Variants in RNF130 observed in about 807,000 individuals in gnomAD.
RNF130 encodes the protein E3 ubiquitin-protein ligase RNF130.
In RNF130, 21 loss-of-function variants were observed where a neutral mutation model predicts 44.6. The ratio of observed to expected loss-of-function variants is 0.47; its 90% confidence interval spans 0.33 to 0.68. The LOEUF is 0.68. Among genes scored for constraint, RNF130 ranks in the 30% least tolerant of loss-of-function variants. RNF130 has a pLI of 0.02. For missense variants in RNF130, 479 were observed against 560.6 expected, an observed-to-expected ratio of 0.85 and a Z score of 1.47; for synonymous variants, 214 against 210.4, an observed-to-expected ratio of 1.02 and a Z score of -0.15.
intron 7 of RNF130, among the ~76,000 whole-genome samples, chr5:179,922,891 A>G (rs547459461): frequency 5.9e-5 from 9 of 152,106 alleles, no homozygotes; most frequent in Middle Eastern, 3.4e-3. Flanking sequence ...CCGAGACTAC[A>G]CTACTGCCCT....
chr5:179,985,196 C>T (rs1351851285), intron 3 of RNF130, among the ~76,000 whole-genome samples: 1 of 87,012 alleles, frequency 1.1e-5, no homozygotes, highest in Non-Finnish European at 2.1e-5. Flanking sequence ...CAATCTGTTT[C>T]ATGATTTCCT....
At chr5:179,946,120 G>T (rs1354107937) in intron 7 of RNF130, among the ~76,000 whole-genome samples, 7 of 152,212 alleles carry the variant, frequency 4.6e-5, no homozygotes, top group African/African-American at 1.7e-4. Flanking sequence ...GTATTTATAA[G>T]CCCCAAGCTC....
At chr5:180,071,372 C>T (rs1458403872) in intron 1 of RNF130, 84 bp downstream of exon 1, 2 of 1,195,132 alleles carry the variant, frequency 1.7e-6, no homozygotes, top group Non-Finnish European at 2.1e-6. Context: ...AGAGCCAGGG[C>T]CAGAGCCGGG....
intron 3 of RNF130, among the ~76,000 whole-genome samples, chr5:179,986,421 C>T (rs553352308): frequency 6.6e-6 from 1 of 152,166 alleles, no homozygotes. Context: ...TCATACAGGT[C>T]CCATGGTGTA....
exon 8 of RNF130, chr5:179,920,206 G>A (rs972414214): frequency 6.5e-6 from 4 of 613,376 alleles, no homozygotes; most frequent in African/African-American, 1.8e-5. Flanking sequence ...TGCTTGGAAA[G>A]TGCTGCCATT....
chr5:180,040,758 C>T, intron 1 of RNF130, 111 bp from the exon 2 acceptor site: 1 of 946,138 alleles, frequency 1.1e-6, no homozygotes, highest in Non-Finnish European at 1.6e-6. Flanking sequence ...CGTGAAGCAG[C>T]TCGCTGCCAG....
intron 7 of RNF130, among the ~76,000 whole-genome samples, chr5:179,928,352 TTTTG>T (rs1293637457): frequency 6.6e-6 from 1 of 150,588 alleles, no homozygotes; most frequent in African/African-American, 2.5e-5. Flanking sequence ...ATAATGGATA[TTTTG>T]TTTTTTTTTT....
At chr5:180,033,020 C>T (rs78276257) in intron 2 of RNF130, among the ~76,000 whole-genome samples, 5 of 151,740 alleles carry the variant, frequency 3.3e-5, no homozygotes, top group Admixed American at 3.3e-4. Flanking sequence ...TGTTGCCCGG[C>T]GAGAATGCAG....
intron 7 of RNF130, among the ~76,000 whole-genome samples, chr5:179,932,148 T>C (rs550312031): frequency 2.0e-5 from 3 of 152,342 alleles, no homozygotes; most frequent in African/African-American, 7.2e-5. Flanking sequence ...TTACCTGTTA[T>C]AGGGTGTTCC....
intron 2 of RNF130, among the ~76,000 whole-genome samples, chr5:180,020,280 C>G (rs1475155316): frequency 6.6e-6 from 1 of 152,076 alleles, no homozygotes; most frequent in African/African-American, 2.4e-5. Flanking sequence ...GGCAGGACCG[C>G]TGATGAACGG....
At chr5:180,038,180 A>G (rs1036592809) in intron 2 of RNF130, among the ~76,000 whole-genome samples, 3 of 151,962 alleles carry the variant, frequency 2.0e-5, no homozygotes, top group African/African-American at 7.3e-5. Context: ...CAAGCCGCCC[A>G]AGCAGCTGGG....
intron 2 of RNF130, among the ~76,000 whole-genome samples, chr5:180,021,099 G>T (rs1315353024): frequency 1.3e-5 from 2 of 151,716 alleles, no homozygotes; most frequent in African/African-American, 2.4e-5. Flanking sequence ...CCAAGTAGCT[G>T]CAATGTCAGA....
chr5:179,956,862 G>C (rs960103941), intron 8 of RNF130, among the ~76,000 whole-genome samples: 1 of 152,202 alleles, frequency 6.6e-6, no homozygotes, highest in Non-Finnish European at 1.5e-5. Flanking sequence ...TGCGAGCCCC[G>C]TGCTTGGCAC....
intron 7 of RNF130, among the ~76,000 whole-genome samples, chr5:179,945,236 C>T (rs1475841802): frequency 6.6e-6 from 1 of 152,202 alleles, no homozygotes; most frequent in Non-Finnish European, 1.5e-5. Context: ...TTTCCCTCCA[C>T]TACGATGAGC....
At chr5:180,018,840 C>T (rs1392051542) in intron 2 of RNF130, among the ~76,000 whole-genome samples, 1 of 152,126 alleles carries the variant, frequency 6.6e-6, no homozygotes, top group Non-Finnish European at 1.5e-5. Flanking sequence ...GATCTATGCC[C>T]TCACCCTCTT....
intron 3 of RNF130, among the ~76,000 whole-genome samples, chr5:180,002,941 A>C (rs1763379296): frequency 6.6e-6 from 1 of 151,894 alleles, no homozygotes; most frequent in Non-Finnish European, 1.5e-5. Flanking sequence ...ATTATTATTA[A>C]GGAATTTGAG....
intron 5 of RNF130, among the ~76,000 whole-genome samples, chr5:179,971,670 A>G (rs1762589744): frequency 6.6e-6 from 1 of 152,200 alleles, no homozygotes; most frequent in African/African-American, 2.4e-5. Context: ...CACCCGGCCA[A>G]GATAAAAGAA....
intron 3 of RNF130, among the ~76,000 whole-genome samples, chr5:179,981,645 A>G (rs1413640411): frequency 6.6e-6 from 1 of 152,226 alleles, no homozygotes; most frequent in Non-Finnish European, 1.5e-5. Flanking sequence ...TCTAATAGAC[A>G]CGGGCTTTTG....
At chr5:179,958,119 C>T (rs983731312) in intron 8 of RNF130, among the ~76,000 whole-genome samples, 2 of 152,070 alleles carry the variant, frequency 1.3e-5, no homozygotes, top group Non-Finnish European at 1.5e-5. Context: ...CCTCGTGATC[C>T]GCCCGCCTCG....
Sources: gnomAD v4.1 joint callset for allele counts (sites outside exome capture counted in the v4.1 genomes callset) on GRCh38, gnomAD v4.1.1 for gene constraint, MANE v1.5 for transcripts, NCBI Gene and HGNC (gene_info 2026-07-23, HGNC 2026-07-21) for gene names.